RASAL2: variants seen among roughly 807,000 people sequenced by gnomAD.
The protein encoded by RASAL2 is ras GTPase-activating protein nGAP.
In RASAL2, 58 loss-of-function variants were observed where a neutral mutation model predicts 128.9. The observed-to-expected ratio is 0.45, with a 90% CI of 0.36 to 0.56. The LOEUF is 0.56. Among genes scored for constraint, RASAL2 ranks in the 20% least tolerant of loss-of-function variants. RASAL2 has a pLI of 0.00. For synonymous variants in RASAL2, 561 were observed against 580.8 expected (o/e 0.97, Z 0.49); for missense variants, 1,360 against 1,601.6 (o/e 0.85, Z 2.57).
chr1:178,246,497 A>G lies in RASAL2; in HGVS notation c.203-37067A>G, dbSNP rs191004540. Among the ~76,000 whole-genome samples, 328 of 152,280 alleles carry G rather than the reference A, an allele frequency of 2.2e-3. 2 individuals carry two copies. Among genetic ancestry groups the G allele is most frequent in the Non-Finnish European group, 3.7e-3 (251 of 68,026 alleles). ...GACGATGGGATTTTCTAAATATACA[A>G]TCATGTCGTCTGCAAACAGAGACAA... On this transcript the variant is annotated intron_variant, in intron 1 of 17. Transcript: ENST00000367649.
At chr1:178,178,724 CA>C (rs1358856802) in intron 1 of RASAL2, among the ~76,000 whole-genome samples, 1 of 151,960 alleles carries the variant, frequency 6.6e-6, no homozygotes, top group Non-Finnish European at 1.5e-5. Context: ...AACTTGAACA[CA>C]AGAGATCATA....
chr1:178,345,173 A>G (rs887005511), intron 3 of RASAL2, among the ~76,000 whole-genome samples: 1 of 152,194 alleles, frequency 6.6e-6, no homozygotes, highest in African/African-American at 2.4e-5. Context: ...TGTTAATAAT[A>G]CGACTCTATA....
intron 4 of RASAL2, among the ~76,000 whole-genome samples, chr1:178,415,044 A>G (rs983482868): frequency 6.6e-6 from 1 of 151,924 alleles, no homozygotes; most frequent in African/African-American, 2.4e-5. Context: ...TATTGCTTTT[A>G]TCTATTGATT....
intron 2 of RASAL2, among the ~76,000 whole-genome samples, chr1:178,289,214 A>G (rs1474578719): frequency 6.6e-6 from 1 of 152,094 alleles, no homozygotes; most frequent in Non-Finnish European, 1.5e-5. Context: ...TGTTAATGGC[A>G]TTTAGTAGAG....
intron 1 of RASAL2, among the ~76,000 whole-genome samples, chr1:178,175,440 G>GTGTA (rs1185565191): frequency 6.8e-6 from 1 of 147,064 alleles, no homozygotes; most frequent in African/African-American, 2.6e-5. Context: ...ATGGTTACGT[G>GTGTA]TGTGTGTGTG....
At chr1:178,323,327 A>G (rs936885022) in intron 3 of RASAL2, among the ~76,000 whole-genome samples, 7 of 152,210 alleles carry the variant, frequency 4.6e-5, no homozygotes, top group Non-Finnish European at 1.0e-4. Flanking sequence ...AATGACTGAT[A>G]TGAGACATAC....
chr1:178,459,572 T>C (rs1198162041), intron 14 of RASAL2, among the ~76,000 whole-genome samples: 2 of 152,172 alleles, frequency 1.3e-5, no homozygotes, highest in Admixed American at 6.5e-5. Flanking sequence ...TTTGCATTTT[T>C]ACAGTTTAGG....
chr1:178,191,527 G>T (rs371952078), intron 1 of RASAL2, among the ~76,000 whole-genome samples: 1 of 152,136 alleles, frequency 6.6e-6, no homozygotes, highest in Non-Finnish European at 1.5e-5. Context: ...CAAACTTTGG[G>T]TTGCACGAAT....
intron 5 of RASAL2, among the ~76,000 whole-genome samples, chr1:178,425,506 G>C (rs1316621133): frequency 2.0e-5 from 3 of 152,066 alleles, no homozygotes; most frequent in Non-Finnish European, 4.4e-5. Flanking sequence ...CTAAAAAGAA[G>C]TCTCTACTTA....
intron 3 of RASAL2, chr1:178,372,289 A>G: frequency 1.0e-6 from 1 of 985,386 alleles, no homozygotes; most frequent in Non-Finnish European, 1.2e-6. Context: ...GGATAGTAGC[A>G]CCGAAGAAGA....
intron 1 of RASAL2, among the ~76,000 whole-genome samples, chr1:178,167,014 C>G (rs1407560941): frequency 6.6e-6 from 1 of 152,066 alleles, no homozygotes; most frequent in African/African-American, 2.4e-5. Flanking sequence ...TTCTTTCTAG[C>G]CCCTACTCTG....
intron 13 of RASAL2, among the ~76,000 whole-genome samples, chr1:178,457,236 A>G (rs887490770): frequency 6.6e-6 from 1 of 152,256 alleles, no homozygotes; most frequent in Admixed American, 6.5e-5. Flanking sequence ...AAACCATTTT[A>G]TAGCTGGCTA....
intron 9 of RASAL2, 62 bp from the exon 10 acceptor site, chr1:178,451,509 C>T: frequency 2.0e-6 from 3 of 1,513,898 alleles, no homozygotes; most frequent in Non-Finnish European, 1.8e-6. Flanking sequence ...ATCATAAGTC[C>T]TTTTATTCTA....
intron 3 of RASAL2, among the ~76,000 whole-genome samples, chr1:178,340,240 T>C (rs1669795279): frequency 6.6e-6 from 1 of 152,144 alleles, no homozygotes; most frequent in South Asian, 2.1e-4. Flanking sequence ...TGTTAAAAGG[T>C]AGATGATAGA....
intron 17 of RASAL2, chr1:178,470,793 C>T: frequency 8.2e-7 from 1 of 1,225,328 alleles, no homozygotes; most frequent in Non-Finnish European, 1.1e-6. Flanking sequence ...TGGCCTCCTA[C>T]ACATTCCAGC....
At chr1:178,417,758 TAAAAAAAAAAAAA>T (rs35109719) in intron 4 of RASAL2, among the ~76,000 whole-genome samples, 1 of 67,868 alleles carries the variant, frequency 1.5e-5, no homozygotes, top group East Asian at 4.5e-4. Flanking sequence ...AAACTCCGTC[TAAAAAAAAAAAAA>T]AAAAAAAAAG....
intron 4 of RASAL2, among the ~76,000 whole-genome samples, chr1:178,418,285 G>A (rs1674902925): frequency 6.6e-6 from 1 of 152,210 alleles, no homozygotes; most frequent in African/African-American, 2.4e-5. Flanking sequence ...ATTATATGTT[G>A]CATTCTTAAA....
chr1:178,465,802 TAAAAA>T (rs201841559), intron 15 of RASAL2, 113 bp from the exon 16 acceptor site: 5 of 985,700 alleles, frequency 5.1e-6, no homozygotes, highest in Middle Eastern at 2.6e-4. Flanking sequence ...TTTCTTTTGT[TAAAAA>T]AAAGAAAAAA....
chr1:178,300,032 C>T lies in RASAL2; in HGVS notation c.371C>T (p.Thr124Ile). The T allele has an allele frequency of 6.2e-7, 1 of 1,614,018 alleles. No individual in the cohort carries two copies. ...GGACAGGAGCAGCAGACAGATTCCACCAAAGGGCGATGCCTGAGGAGAACT... is the reference window on the plus strand; with the variant it reads ...GGACAGGAGCAGCAGACAGATTCCATCAAAGGGCGATGCCTGAGGAGAACT... The part of the protein sequence containing the change: ...EGGQEQQTDS[T>I]KGRCLRRTVS... The change falls in exon 3 of 18, where the codon ACC (threonine) becomes ATC (isoleucine). Residue 124 changes from threonine (T) to isoleucine (I), a missense_variant. Transcript: ENST00000367649.
Sources: gnomAD v4.1 joint callset for allele counts (sites outside exome capture counted in the v4.1 genomes callset) on GRCh38, gnomAD v4.1.1 for gene constraint, MANE v1.5 for transcripts, NCBI Gene and HGNC (gene_info 2026-07-23, HGNC 2026-07-21) for gene names.